The following OCRL variants were observed in gnomAD, a reference collection of about 807,000 sequenced individuals.
The protein encoded by OCRL is OCRL inositol polyphosphate-5-phosphatase.
Under a neutral mutation model 78.9 loss-of-function variants are expected in OCRL, and 8 were observed. The observed-to-expected ratio is 0.10, with a 90% CI of 0.06 to 0.18. The LOEUF (loss-of-function observed/expected upper bound fraction) is 0.18, where lower values mean the gene tolerates loss of function less well. OCRL is among the 10% of genes least tolerant of loss of function. The pLI is 1.00. For synonymous variants in OCRL, 240 were observed against 235.4 expected (o/e 1.02, Z -0.18); for missense variants, 454 against 696.7 (o/e 0.65, Z 3.92).
intron 14 of OCRL, among the ~76,000 whole-genome samples, chrX:129,567,720 C>T (rs906677815): frequency 2.7e-5 from 3 of 110,990 alleles, no homozygotes; most frequent in Non-Finnish European, 5.7e-5. Flanking sequence ...TCCCAAACTA[C>T]CCAGCTATTT....
intron 12 of OCRL, among the ~76,000 whole-genome samples, chrX:129,564,277 T>G (rs1234296728): frequency 1.8e-5 from 2 of 109,652 alleles, no homozygotes; most frequent in African/African-American, 3.3e-5. Flanking sequence ...TTGGTGGGAC[T>G]GTAAACTAGT....
At chrX:129,571,371 T>G (rs1465644537) in intron 15 of OCRL, among the ~76,000 whole-genome samples, 3 of 102,536 alleles carry the variant, frequency 2.9e-5, no homozygotes, top group African/African-American at 3.6e-5. Context: ...TGGTTTTTTT[T>G]TTTTTTTTTT....
At chrX:129,576,849 C>T (rs762641459) in intron 18 of OCRL, among the ~76,000 whole-genome samples, 7 of 111,640 alleles carry the variant, frequency 6.3e-5, no homozygotes, top group Non-Finnish European at 1.3e-4. Context: ...TTCATACTCT[C>T]AAGTCACTTT....
Position 129,558,663 on chromosome X carries a change from C to G in OCRL, c.470C>G (p.Ser157Cys). The change falls in exon 7 of 24, where the codon TCT becomes TGT. Residue 157 changes from serine to cysteine, a missense_variant. This residue lies in a region of OCRL where 177 missense variants were observed against 179.6 expected (regional missense o/e 0.99). Coordinates refer to ENST00000371113, the MANE Select transcript of OCRL (RefSeq NM_000276.4). ...GLLGFEDNFS[S>C]MNLDKKINSQ... Reference sequence around the variant, plus strand: ...CTTGGATTTGAAGACAATTTTTCTTCTATGAATTTGGACAAGAAAATAAAT... The same window carrying G: ...CTTGGATTTGAAGACAATTTTTCTTGTATGAATTTGGACAAGAAAATAAAT... 1.7e-6 allele frequency: 2 copies of G among 1,211,291 alleles called. No individual in the cohort carries two copies. Among genetic ancestry groups the G allele is most frequent in the Non-Finnish European group, 2.2e-6 (2 of 895,021 alleles).
intron 15 of OCRL, among the ~76,000 whole-genome samples, chrX:129,571,879 T>C (rs1247123318): frequency 1.8e-5 from 2 of 111,325 alleles, no homozygotes; most frequent in Non-Finnish European, 3.8e-5. Flanking sequence ...TACTCCCAAC[T>C]TTGCCTAAAC....
At chrX:129,585,557 C>T (rs1057289209) in intron 19 of OCRL, among the ~76,000 whole-genome samples, 1 of 112,039 alleles carries the variant, frequency 8.9e-6, no homozygotes, top group Non-Finnish European at 1.9e-5. Context: ...TGTTTTGTCT[C>T]AAATACCATG....
chrX:129,552,146 G>T (rs1290786379), intron 4 of OCRL, among the ~76,000 whole-genome samples: 1 of 111,955 alleles, frequency 8.9e-6, no homozygotes, highest in South Asian at 3.7e-4. Flanking sequence ...GAAGCAGAGA[G>T]ACCAGTTAGG....
chrX:129,547,397 T>C (rs183539460), intron 3 of OCRL, among the ~76,000 whole-genome samples: 1,720 of 107,569 alleles, frequency 0.016, 17 homozygotes, highest in Middle Eastern at 0.038. Flanking sequence ...TGGTGGCGGG[T>C]GCCTGTAGTC....
intron 8 of OCRL, among the ~76,000 whole-genome samples, chrX:129,559,904 T>C (rs986813199): frequency 6.2e-5 from 7 of 112,154 alleles, no homozygotes; most frequent in African/African-American, 2.3e-4. Flanking sequence ...ATGAGCAGAA[T>C]GTACCCTTCT....
At chrX:129,550,283 A>C (rs1935941475) in intron 4 of OCRL, among the ~76,000 whole-genome samples, 1 of 112,181 alleles carries the variant, frequency 8.9e-6, no homozygotes. Context: ...TCCAGTCTTT[A>C]TATTTTTACA....
intron 18 of OCRL, among the ~76,000 whole-genome samples, chrX:129,580,435 A>G (rs1276615553): frequency 8.9e-6 from 1 of 112,130 alleles, no homozygotes; most frequent in Non-Finnish European, 1.9e-5. Context: ...AAGTCAATAG[A>G]TAAGTTTATG....
chrX:129,574,960 G>C (rs1275726851), intron 15 of OCRL, among the ~76,000 whole-genome samples, 180 bp from the exon 16 acceptor site: 1 of 112,198 alleles, frequency 8.9e-6, no homozygotes, highest in Non-Finnish European at 1.9e-5. Context: ...GCAAGGATCT[G>C]TTTTCTTTCA....
In OCRL at chrX:129,540,821, T is replaced by C. The variant is rs780372889; in HGVS notation, c.117T>C (p.Tyr39=). 6.7e-6 allele frequency: 8 copies of C among 1,200,268 alleles called. No individual in the cohort carries two copies. The highest frequency in any genetic ancestry group is 9.0e-6 in the Non-Finnish European group (8 of 885,079). Residue 39 remains tyrosine, a splice_region_variant and synonymous_variant, in exon 2 of 24, where the codon TAT becomes TAC. Transcript: ENST00000371113. ...CCCTAGCCCAGAGGAACGGGCAATA[T>C]GAGTAAGTAACCACCTGATTCCCAC... is the stretch of plus-strand genomic sequence containing the variant. ...ALTLAQRNGQ[Y]ELIIQLHEKE...
rs1324502204 is a variant in OCRL, at chrX:129,587,038, G to A, written c.2176G>A (p.Gly726Ser). The change falls in exon 20 of 24, where the codon GGT becomes AGT. Residue 726 changes from glycine to serine, a missense_variant. Physicochemically the swap from Gly to Ser is moderately conservative, Grantham distance 56. Transcript: ENST00000371113. ...TCTGCAAATGGTTCCTTTGGATGAA[G>A]GTGCCAGTGAGAGACCCCTTCAGGT... ...SLLQMVPLDE[G>S]ASERPLQVPK... The A allele has an allele frequency of 8.3e-7, 1 of 1,206,871 alleles. No individual in the cohort carries two copies. The highest frequency in any genetic ancestry group is 1.1e-6 in the Non-Finnish European group (1 of 892,400).
In OCRL at chrX:129,568,113, T is replaced by G. The variant is rs772934873; in HGVS notation, c.1466+750T>G. Among the ~76,000 whole-genome samples the G allele has an allele frequency of 9.1e-5, 10 of 109,299 alleles. No individual in the cohort carries two copies. The Admixed American group carries it at 9.7e-4, about 11-fold the overall frequency. 94.9% of individuals were successfully genotyped at this position (109,299 alleles called of 115,157 possible). A position where few individuals can be genotyped will look rare whatever the true frequency, so the allele number is the denominator to read the frequency against. ...TATTTTTTTTAGTAGAGACGGGGTT[T>G]CACCTTGTTAGCCAGGATGGTCTCG... On this transcript the variant is annotated intron_variant, in intron 14 of 23. Coordinates refer to ENST00000371113, the MANE Select transcript of OCRL (RefSeq NM_000276.4).
At chrX:129,579,795 T>C (rs1000994382) in intron 18 of OCRL, among the ~76,000 whole-genome samples, 2 of 112,575 alleles carry the variant, frequency 1.8e-5, no homozygotes, top group African/African-American at 3.2e-5. Flanking sequence ...ATGGAGTTTA[T>C]GTGAGTTCCC....
At chrX:129,583,678 A>T (rs1483069418) in intron 18 of OCRL, among the ~76,000 whole-genome samples, 2 of 111,749 alleles carry the variant, frequency 1.8e-5, no homozygotes, top group South Asian at 7.6e-4. Context: ...TAGGAAGATT[A>T]AAAAGATACC....
intron 15 of OCRL, among the ~76,000 whole-genome samples, chrX:129,573,586 G>T (rs979292321): frequency 2.7e-5 from 3 of 111,640 alleles, no homozygotes; most frequent in African/African-American, 9.8e-5. Flanking sequence ...GTGGAGTCTT[G>T]CTCTGTTGCC....
intron 18 of OCRL, among the ~76,000 whole-genome samples, chrX:129,582,845 G>A (rs1233770914): frequency 1.8e-5 from 2 of 111,473 alleles, no homozygotes; most frequent in Admixed American, 1.9e-4. Flanking sequence ...TTACCACTAG[G>A]AATGCCAGGG....
Sources: gnomAD v4.1 joint callset for allele counts (sites outside exome capture counted in the v4.1 genomes callset) on GRCh38, gnomAD v4.1.1 for gene constraint, gnomAD v4.1.1 regional missense constraint, MANE v1.5 for transcripts, NCBI Gene and HGNC (gene_info 2026-07-23, HGNC 2026-07-21) for gene names.